The following ZNF704 variants were observed in gnomAD, a reference collection of about 807,000 sequenced individuals.
The protein encoded by ZNF704 is zinc finger protein 704.
A neutral mutation model predicts 44.7 loss-of-function variants in ZNF704; 10 were observed. The ratio of observed to expected loss-of-function variants is 0.22; its 90% confidence interval spans 0.14 to 0.38. The LOEUF (loss-of-function observed/expected upper bound fraction) is 0.38, where lower values mean the gene tolerates loss of function less well. Among genes scored for constraint, ZNF704 ranks in the 10% least tolerant of loss-of-function variants. ZNF704 has a pLI of 1.00. For synonymous variants in ZNF704, 211 were observed against 207.6 expected (o/e 1.02, Z -0.14); for missense variants, 390 against 545.5 (o/e 0.71, Z 2.84).
At chr8:80,845,724 T>A (rs1253499751) in intron 1 of ZNF704, among the ~76,000 whole-genome samples, 1 of 152,130 alleles carries the variant, frequency 6.6e-6, no homozygotes, top group East Asian at 1.9e-4. Context: ...ACACAAAATA[T>A]CTGCAAAATT....
At chr8:80,713,124 T>C (rs190895504) in intron 2 of ZNF704, among the ~76,000 whole-genome samples, 2 of 152,242 alleles carry the variant, frequency 1.3e-5, no homozygotes, top group Non-Finnish European at 1.5e-5. Context: ...CTCCAACTCC[T>C]GATCTCAGGT....
chr8:80,706,494 T>G, intron 2 of ZNF704, among the ~76,000 whole-genome samples: 1 of 152,230 alleles, frequency 6.6e-6, no homozygotes, highest in Non-Finnish European at 1.5e-5. Flanking sequence ...TATTTTACCT[T>G]TTTGTTTTTT....
At chr8:80,746,894 G>A (rs1246245196) in intron 2 of ZNF704, among the ~76,000 whole-genome samples, 1 of 152,124 alleles carries the variant, frequency 6.6e-6, no homozygotes, top group African/African-American at 2.4e-5. Flanking sequence ...TGAAAATATA[G>A]TTGGGAAAGT....
intron 2 of ZNF704, among the ~76,000 whole-genome samples, chr8:80,807,116 T>C (rs1035054132): frequency 3.9e-5 from 6 of 152,198 alleles, no homozygotes; most frequent in Non-Finnish European, 5.9e-5. Context: ...CATAATTCCA[T>C]TGTAATAATG....
chr8:80,664,240 G>C (rs1406475421), intron 6 of ZNF704, among the ~76,000 whole-genome samples: 1 of 151,748 alleles, frequency 6.6e-6, no homozygotes, highest in Non-Finnish European at 1.5e-5. Context: ...GGGACTACAG[G>C]CACACGCCAC....
chr8:80,870,743 C>A (rs1024607673), intron 1 of ZNF704, among the ~76,000 whole-genome samples: 8 of 152,072 alleles, frequency 5.3e-5, no homozygotes, highest in African/African-American at 1.9e-4. Context: ...CCCCTGCACT[C>A]CCTTAAAGCC....
chr8:80,802,022 A>C (rs1277799785), intron 2 of ZNF704, among the ~76,000 whole-genome samples: 1 of 151,930 alleles, frequency 6.6e-6, no homozygotes, highest in Admixed American at 6.6e-5. Flanking sequence ...AAACATAAAC[A>C]ACCATCAGAG....
chr8:80,816,376 G>GA (rs1201889915), intron 2 of ZNF704, among the ~76,000 whole-genome samples: 3 of 152,122 alleles, frequency 2.0e-5, no homozygotes, highest in African/African-American at 7.2e-5. Flanking sequence ...TTCCAAACTC[G>GA]AATGTCTATT....
At chr8:80,655,814 G>A (rs1818005765) in intron 7 of ZNF704, among the ~76,000 whole-genome samples, 1 of 152,102 alleles carries the variant, frequency 6.6e-6, no homozygotes, top group Non-Finnish European at 1.5e-5. Context: ...CTTCCCTCAA[G>A]GCATTAAAAA....
chr8:80,709,691 C>G (rs1200634390), intron 2 of ZNF704, among the ~76,000 whole-genome samples: 1 of 152,042 alleles, frequency 6.6e-6, no homozygotes, highest in Non-Finnish European at 1.5e-5. Context: ...AAAGTGTCAG[C>G]CCGAGGCAAT....
Position 80,802,456 on chromosome 8 carries a change from C to T in ZNF704, c.221+18918G>A, listed in dbSNP as rs961109486. Among the ~76,000 whole-genome samples, 23 of 152,246 alleles carry T rather than the reference C, an allele frequency of 1.5e-4. 1 individual carries two copies. The highest frequency in any genetic ancestry group is 1.2e-3 in the South Asian group (6 of 4,826). On this transcript the variant is annotated intron_variant, in intron 2 of 8. Transcript: ENST00000327835. ...AGATCCTCAATAAAATACTGGCAAA[C>T]GGAATCCAGCAGCACAACAGAAAGC...
chr8:80,816,565 T>G (rs550650249), intron 2 of ZNF704, among the ~76,000 whole-genome samples: 1 of 152,164 alleles, frequency 6.6e-6, no homozygotes, highest in African/African-American at 2.4e-5. Context: ...ATGAAACTAG[T>G]ATTTTCATCT....
chr8:80,868,775 C>T (rs1809199788), intron 1 of ZNF704, among the ~76,000 whole-genome samples: 1 of 152,170 alleles, frequency 6.6e-6, no homozygotes, highest in African/African-American at 2.4e-5. Context: ...TTTGTTTTCT[C>T]CAACCCACTG....
At chr8:80,857,368 T>C (rs1404058326) in intron 1 of ZNF704, among the ~76,000 whole-genome samples, 1 of 152,192 alleles carries the variant, frequency 6.6e-6, no homozygotes, top group Non-Finnish European at 1.5e-5. Context: ...TTCCTATACA[T>C]ATACTTTATC....
chr8:80,720,572 G>A (rs1169853524), intron 2 of ZNF704, among the ~76,000 whole-genome samples: 1 of 152,204 alleles, frequency 6.6e-6, no homozygotes, highest in East Asian at 1.9e-4. Context: ...GAAAGGAATT[G>A]TTCTTCTGCT....
At chr8:80,854,323 C>T (rs1808921589) in intron 1 of ZNF704, among the ~76,000 whole-genome samples, 1 of 152,092 alleles carries the variant, frequency 6.6e-6, no homozygotes. Flanking sequence ...CTCCATTTCC[C>T]CTCAGTGCCT....
At position 80,719,113 on chromosome 8, in the gene ZNF704, G is replaced by A. The variant is rs372355688; in HGVS notation, c.222-26006C>T. Among the ~76,000 whole-genome samples the A allele has an allele frequency of 5.4e-4, 82 of 152,076 alleles. 1 individual carries two copies. Among genetic ancestry groups the A allele is most frequent in the Middle Eastern group, 3.4e-3 (1 of 294 alleles). ...CCCTAGTAGTTGGGACTACAGGTACGTGCCACCATGACCAGCTAATTTTTT... is the reference window on the plus strand; with the variant it reads ...CCCTAGTAGTTGGGACTACAGGTACATGCCACCATGACCAGCTAATTTTTT... On this transcript the variant is annotated intron_variant, in intron 2 of 8. Coordinates refer to ENST00000327835, the MANE Select transcript of ZNF704 (RefSeq NM_001033723.3).
chr8:80,825,477 G>A (rs1401695830), intron 1 of ZNF704, among the ~76,000 whole-genome samples: 4 of 152,054 alleles, frequency 2.6e-5, no homozygotes, highest in Non-Finnish European at 5.9e-5. Context: ...AATAATAATG[G>A]GAGACTTTAA....
intron 2 of ZNF704, among the ~76,000 whole-genome samples, chr8:80,760,510 G>A (rs907208905): frequency 6.6e-6 from 1 of 151,960 alleles, no homozygotes; most frequent in Non-Finnish European, 1.5e-5. Flanking sequence ...ACAAAAATTG[G>A]CTGGGTGTGG....
Sources: allele counts gnomAD v4.1 joint callset (sites outside exome capture counted in the v4.1 genomes callset), GRCh38; gene constraint gnomAD v4.1.1; transcripts MANE v1.5; gene names NCBI Gene and HGNC (gene_info 2026-07-23, HGNC 2026-07-21).